NOP53: variants seen among roughly 807,000 people sequenced by gnomAD.
NOP53 encodes the protein NOP53 ribosome biogenesis factor.
Under a neutral mutation model 61.0 loss-of-function variants are expected in NOP53, and 40 were observed. The observed-to-expected ratio is 0.66, with a 90% CI of 0.51 to 0.85. NOP53 has a LOEUF of 0.85. Ranked by LOEUF, NOP53 falls within the 40% of genes least tolerant of loss-of-function variation. The pLI is 0.00. For synonymous variants in NOP53, 308 were observed against 289.5 expected (o/e 1.06, Z -0.65); for missense variants, 689 against 652.9 (o/e 1.06, Z -0.60).
chr19:47,747,093 C>A, intron 2 of NOP53, 62 bp downstream of exon 2: 1 of 1,283,912 alleles, frequency 7.8e-7, no homozygotes, highest in Non-Finnish European at 1.1e-6. Context: ...CTTACGGTAG[C>A]CTCTGAGATC....
Position 47,754,257 on chromosome 19 carries a change from A to C in NOP53, c.766-270A>C. The C allele has an allele frequency of 2.2e-6, 1 of 445,604 alleles. No homozygotes were observed. The allele number at this position is 445,604 out of a possible 1,614,324, so 27.6% of individuals were successfully genotyped here. ...ACACCATTGCACTCCAGTCTGGGCA[A>C]CAAGACAGAAACTCTATCTCAAAAA... On this transcript the variant is annotated intron_variant, in intron 6 of 12. Transcript: ENST00000246802. This position sits in a 1 kb window ranked among gnomAD's most constrained non-coding sequence, Gnocchi z 4.2.
chr19:47,746,936 C>G (rs765877864), intron 1 of NOP53, 31 bp from the exon 2 acceptor site: 12 of 1,586,542 alleles, frequency 7.6e-6, no homozygotes, highest in Non-Finnish European at 1.0e-5. Context: ...TCCAACATCT[C>G]TGGCTGATGT....
Position 47,752,554 on chromosome 19 carries a change from G to A in NOP53, c.712G>A (p.Val238Met), listed in dbSNP as rs756770937. Residue 238 changes from valine to methionine, a missense_variant, in exon 6 of 13, where the codon GTG (valine) becomes ATG (methionine). Physicochemically the swap from Val to Met is conservative, Grantham distance 21 (BLOSUM62 1). Transcript: ENST00000246802. ...CACCAAGCCGTCCCAGGCACCCGCCGTGGAGGTGGCGCCTGCCGGAGCTTC... is the reference window on the plus strand; with the variant it reads ...CACCAAGCCGTCCCAGGCACCCGCCATGGAGGTGGCGCCTGCCGGAGCTTC... ...LHTKPSQAPA[V>M]EVAPAGASYN... 1.3e-5 allele frequency: 21 copies of A among 1,610,796 alleles called. No individual in the cohort carries two copies. In the East Asian group the frequency reaches 2.5e-4, roughly 19 times the overall value.
chr19:47,756,642 C>G, intron 11 of NOP53, 38 bp downstream of exon 11: 1 of 1,613,132 alleles, frequency 6.2e-7, no homozygotes, highest in Non-Finnish European at 8.5e-7. Flanking sequence ...GCGAGGGCAT[C>G]TGGGATTGGC....
rs1056199428 is a variant in NOP53 at position 47,755,789 on chromosome 19, C to T, written c.1263C>T (p.Ser421=). 3 of 1,611,046 alleles carry T rather than the reference C, an allele frequency of 1.9e-6. No individual in the cohort carries two copies. Among genetic ancestry groups the T allele is most frequent in the Non-Finnish European group, 1.7e-6 (2 of 1,178,988 alleles). ...YQAPDIDVQL[S]SELTDSLRTL... is the part of the protein sequence containing the mutation. ...CACCTGACATCGACGTGCAGCTGAG[C>T]TCGGAGCTGACAGACTCGCTCAGGA... Residue 421 remains serine (S), a synonymous_variant, in exon 10 of 13, where the codon AGC becomes AGT. Coordinates refer to ENST00000246802, the MANE Select transcript of NOP53 (RefSeq NM_015710.5).
intron 1 of NOP53, chr19:47,746,741 G>T: frequency 2.4e-6 from 1 of 420,868 alleles, no homozygotes; most frequent in Non-Finnish European, 4.3e-6. Context: ...GACCTCAGGT[G>T]AGCCACCCGC....
chr19:47,746,956 C>T lies in NOP53; in HGVS notation c.225-11C>T, dbSNP rs1383931963. On this transcript the variant is annotated splice_polypyrimidine_tract_variant and intron_variant, in intron 1 of 12. Transcript: ENST00000246802. ...CATCTCTGGCTGATGTTCTGCATTT[C>T]TGTCCCCCAGTGGCTTGTTGTCAGA... 3 of 1,611,150 alleles carry T rather than the reference C, an allele frequency of 1.9e-6. No homozygotes were observed. Among genetic ancestry groups the T allele is most frequent in the Middle Eastern group, 1.7e-4 (1 of 6,054 alleles).
intron 8 of NOP53, 53 bp from the exon 9 acceptor site, chr19:47,755,295 C>G (rs911081202): frequency 3.2e-6 from 4 of 1,265,518 alleles, no homozygotes; most frequent in East Asian, 2.9e-5. Flanking sequence ...GAGAGAAGGT[C>G]TCCCTGTGTG....
chr19:47,747,226 C>T (rs1394671600), intron 2 of NOP53, among the ~76,000 whole-genome samples, 195 bp downstream of exon 2: 3 of 152,146 alleles, frequency 2.0e-5, no homozygotes, highest in Non-Finnish European at 4.4e-5. Context: ...GCAGGTTTTT[C>T]TTTTGAGATG....
Position 47,755,810 on chromosome 19 carries a change from C to G in NOP53, c.1284C>G (p.Leu428=). The G allele has an allele frequency of 6.2e-7, 1 of 1,609,186 alleles. No individual in the cohort carries two copies. Reference sequence around the variant, plus strand: ...TGAGCTCGGAGCTGACAGACTCGCTCAGGACCCTGAAGGTGCTCACTGTGT... The same window carrying G: ...TGAGCTCGGAGCTGACAGACTCGCTGAGGACCCTGAAGGTGCTCACTGTGT... The part of the protein sequence containing the change: ...VQLSSELTDS[L]RTLKPEGNIL... Residue 428 remains leucine (L), a synonymous_variant, in exon 10 of 13, where the codon CTC becomes CTG. Transcript: ENST00000246802.
intron 2 of NOP53, among the ~76,000 whole-genome samples, chr19:47,748,804 G>C (rs1014737074): frequency 1.3e-5 from 2 of 152,146 alleles, no homozygotes; most frequent in Admixed American, 1.3e-4. Context: ...GCTTGAACCC[G>C]GGAGGCAGAG....
At chr19:47,747,780 T>TC (rs1491309952) in intron 2 of NOP53, among the ~76,000 whole-genome samples, 4 of 9,354 alleles carry the variant, frequency 4.3e-4, no homozygotes, top group East Asian at 1.4e-3. Flanking sequence ...TCTCTCTCTC[T>TC]TTTTTTTTTT....
In NOP53 at chr19:47,755,692, C is replaced by T. The variant is rs964876591; in HGVS notation, c.1230-64C>T. ...AGGCCCCTTCTTCTCCAGGAGGGGG[C>T]TTTGGACTGGGTGTCCTGGGCCCCG... On this transcript the variant is annotated intron_variant, in intron 9 of 12. Transcript: ENST00000246802. 1.6e-5 allele frequency: 23 copies of T among 1,468,754 alleles called. No homozygotes were observed. In the African/African-American group the frequency reaches 2.8e-4, roughly 18 times the overall value. 91.0% of individuals were successfully genotyped at this position (1,468,754 alleles called of 1,614,324 possible).
rs774638960 is a variant in NOP53 at position 47,752,603 on chromosome 19, A to G, written c.761A>G (p.His254Arg). 3 of 1,588,136 alleles carry G rather than the reference A, an allele frequency of 1.9e-6. No individual in the cohort carries two copies. Among genetic ancestry groups the G allele is most frequent in the Non-Finnish European group, 2.6e-6 (3 of 1,156,688 alleles). Residue 254 changes from histidine (H) to arginine (R), a missense_variant, in exon 6 of 13, where the codon CAC becomes CGC. Physicochemically the swap from His to Arg is conservative, Grantham distance 29 (BLOSUM62 0). Coordinates refer to ENST00000246802, the MANE Select transcript of NOP53 (RefSeq NM_015710.5). Reference sequence around the variant, plus strand: ...TCCTACAATCCATCCTTTGAAGACCACCAGGTACACTGCCCCGTCCAGGCC... The same window carrying G: ...TCCTACAATCCATCCTTTGAAGACCGCCAGGTACACTGCCCCGTCCAGGCC... ...GASYNPSFEDHQTLLSAAHEV... is the reference protein window; with the variant it reads ...GASYNPSFEDRQTLLSAAHEV...
intron 4 of NOP53, 49 bp downstream of exon 4, chr19:47,751,156 C>T: frequency 6.7e-7 from 1 of 1,503,404 alleles, no homozygotes; most frequent in Non-Finnish European, 9.1e-7. Context: ...CGGCCATGTG[C>T]AGTTTGTGTG....
intron 10 of NOP53, 185 bp from the exon 11 acceptor site, chr19:47,756,343 A>G (rs561506325): frequency 5.0e-6 from 3 of 599,722 alleles, no homozygotes; most frequent in Admixed American, 2.9e-5. Context: ...AGAGATGGCC[A>G]TAGGTTGGTG....
chr19:47,755,579 T>G (rs1599921402), intron 9 of NOP53, 56 bp downstream of exon 9: 1 of 1,438,570 alleles, frequency 7.0e-7, no homozygotes. Context: ...GGGTCCCAGG[T>G]CCTGACACCT....
At position 47,745,669 on chromosome 19, in the gene NOP53, G is replaced by A. The variant is rs756919420; in HGVS notation, c.110G>A (p.Arg37Gln). 1.9e-6 allele frequency: 3 copies of A among 1,613,512 alleles called. No homozygotes were observed. The South Asian group carries it at 3.3e-5, about 18-fold the overall frequency. Residue 37 changes from arginine to glutamine, a missense_variant, in exon 1 of 13, where the codon CGG becomes CAG. By Grantham distance (43) the Arg-to-Gln change is conservative. Transcript: ENST00000246802. ...PTSVDPALRR[R>Q]RRGPRNKKRG... is the part of the protein sequence containing the mutation. ...TCGGTGGACCCAGCGCTGAGGCGGC[G>A]GCGGCGAGGCCCAAGAAATAAGAAG...
intron 8 of NOP53, 78 bp from the exon 9 acceptor site, chr19:47,755,247 GGGACAGGCAGGTTTGTGCAGGGA>G: frequency 2.6e-6 from 2 of 761,808 alleles, no homozygotes; most frequent in Non-Finnish European, 3.9e-6. Context: ...AGGGCCTCCG[GGGACAGGCAGGTTTGTGCAGGGA>G]AGGCTCCCTG....
Sources: allele counts gnomAD v4.1 joint callset (sites outside exome capture counted in the v4.1 genomes callset), GRCh38; gene constraint gnomAD v4.1.1; non-coding constraint Gnocchi (gnomAD v3.1); transcripts MANE v1.5; gene names NCBI Gene and HGNC (gene_info 2026-07-23, HGNC 2026-07-21).